CDH13: variants seen among roughly 807,000 people sequenced by gnomAD.
The protein encoded by CDH13 is cadherin-13.
CDH13 carries 24 observed loss-of-function variants against 63.8 expected under a neutral mutation model. The ratio of observed to expected loss-of-function variants is 0.38; its 90% confidence interval spans 0.27 to 0.53. CDH13 has a LOEUF of 0.53. Among genes scored for constraint, CDH13 ranks in the 20% least tolerant of loss-of-function variants. The probability of loss-of-function intolerance (pLI) is 0.85; values close to 1 mark genes in which losing one functional copy is unlikely to be tolerated. For missense variants in CDH13, 1,049 were observed against 903.1 expected (o/e 1.16, Z -2.07); for synonymous variants, 503 against 355.3 (o/e 1.42, Z -4.67).
intron 3 of CDH13, among the ~76,000 whole-genome samples, chr16:83,078,171 A>G (rs1407664774): frequency 2.6e-5 from 4 of 152,154 alleles, no homozygotes; most frequent in Non-Finnish European, 4.4e-5. Context: ...ATTCATACAC[A>G]GAAGTTGGGG....
intron 3 of CDH13, among the ~76,000 whole-genome samples, chr16:83,119,522 C>G (rs935157441): frequency 6.6e-6 from 1 of 152,186 alleles, no homozygotes; most frequent in Non-Finnish European, 1.5e-5. Flanking sequence ...TATTACCTCC[C>G]TCCTTTACGC....
chr16:82,953,014 C>A (rs147335694), intron 2 of CDH13, among the ~76,000 whole-genome samples: 8 of 152,310 alleles, frequency 5.3e-5, no homozygotes, highest in Non-Finnish European at 8.8e-5. Context: ...ATACTGCCAG[C>A]AAGTGCCATT....
At chr16:83,784,866 C>T (rs1915774528) in intron 13 of CDH13, among the ~76,000 whole-genome samples, 1 of 152,118 alleles carries the variant, frequency 6.6e-6, no homozygotes, top group South Asian at 2.1e-4. Flanking sequence ...TCCATCCATC[C>T]CTGCCTCCAC....
At chr16:82,651,711 C>G (rs1910741897) in intron 1 of CDH13, among the ~76,000 whole-genome samples, 1 of 152,208 alleles carries the variant, frequency 6.6e-6, no homozygotes, top group African/African-American at 2.4e-5. Flanking sequence ...GGAAGTACAG[C>G]TGGGGCTTAT....
intron 4 of CDH13, chr16:83,171,661 G>A (rs903905343): frequency 6.8e-6 from 7 of 1,034,146 alleles, no homozygotes; most frequent in African/African-American, 3.2e-5. Context: ...GGGATTTAGT[G>A]ACACTGCAAA....
chr16:82,855,354 T>A (rs1173107919), intron 1 of CDH13, among the ~76,000 whole-genome samples: 1 of 152,220 alleles, frequency 6.6e-6, no homozygotes, highest in African/African-American at 2.4e-5. Flanking sequence ...TGACTTTTTA[T>A]GCTGAGGATT....
At chr16:83,449,006 C>G (rs1376036943) in intron 6 of CDH13, among the ~76,000 whole-genome samples, 2 of 152,202 alleles carry the variant, frequency 1.3e-5, no homozygotes, top group Admixed American at 1.3e-4. Context: ...CGAATTTCCA[C>G]AGCCTGGCAA....
chr16:83,157,046 C>A (rs2037235381), intron 4 of CDH13, among the ~76,000 whole-genome samples: 1 of 152,182 alleles, frequency 6.6e-6, no homozygotes, highest in Non-Finnish European at 1.5e-5. Context: ...GCAGTAGATT[C>A]CAGAACTCCA....
intron 1 of CDH13, among the ~76,000 whole-genome samples, chr16:82,755,751 C>G: frequency 6.6e-6 from 1 of 152,160 alleles, no homozygotes. Context: ...AACTAGAATC[C>G]GTTGTGGCGG....
intron 5 of CDH13, among the ~76,000 whole-genome samples, chr16:83,328,077 G>A (rs1163903196): frequency 6.6e-6 from 1 of 151,086 alleles, no homozygotes; most frequent in Non-Finnish European, 1.5e-5. Flanking sequence ...AGCTTGCAGT[G>A]AGCCGAGATG....
chr16:83,253,612 G>A (rs1905855476), intron 5 of CDH13, among the ~76,000 whole-genome samples: 1 of 152,184 alleles, frequency 6.6e-6, no homozygotes, highest in African/African-American at 2.4e-5. Context: ...TGCAAGCCTG[G>A]TTGCCCTCCA....
At chr16:83,626,039 C>T (rs1238542399) in intron 8 of CDH13, among the ~76,000 whole-genome samples, 19 of 148,070 alleles carry the variant, frequency 1.3e-4, no homozygotes, top group Admixed American at 3.4e-4. Context: ...AAAGCAGGGT[C>T]TCACTCTGTT....
At chr16:83,471,854 C>T (rs979369458) in intron 6 of CDH13, among the ~76,000 whole-genome samples, 2 of 152,120 alleles carry the variant, frequency 1.3e-5, no homozygotes, top group Non-Finnish European at 2.9e-5. Flanking sequence ...ATGGAGGAGA[C>T]CTTGGGATAT....
intron 1 of CDH13, among the ~76,000 whole-genome samples, chr16:82,853,290 C>A (rs1241895823): frequency 6.6e-6 from 1 of 152,164 alleles, no homozygotes; most frequent in Non-Finnish European, 1.5e-5. Flanking sequence ...TCTAAACAGT[C>A]TATTCACTGA....
At chr16:82,719,081 A>G (rs900922354) in intron 1 of CDH13, among the ~76,000 whole-genome samples, 9 of 152,198 alleles carry the variant, frequency 5.9e-5, no homozygotes, top group Non-Finnish European at 8.8e-5. Context: ...TGAGCCTTAA[A>G]TCAGCTATGC....
At chr16:83,652,347 G>A (rs190929218) in intron 8 of CDH13, among the ~76,000 whole-genome samples, 9 of 152,136 alleles carry the variant, frequency 5.9e-5, no homozygotes, top group Admixed American at 1.3e-4. Context: ...TTAGCATCAC[G>A]AGCCTAACCA....
At chr16:82,641,564 T>TGAAG (rs1190721937) in intron 1 of CDH13, among the ~76,000 whole-genome samples, 1 of 152,208 alleles carries the variant, frequency 6.6e-6, no homozygotes, top group African/African-American at 2.4e-5. Flanking sequence ...CCTTAGGGCC[T>TGAAG]CGTCTTTGAC....
At chr16:83,689,709 A>G (rs1393204683) in intron 10 of CDH13, among the ~76,000 whole-genome samples, 1 of 152,214 alleles carries the variant, frequency 6.6e-6, no homozygotes, top group East Asian at 1.9e-4. Flanking sequence ...ATCCGACCTT[A>G]TATGGCTGCT....
At position 83,002,067 on chromosome 16, in the gene CDH13, C is replaced by G. The variant is rs548090896; in HGVS notation, c.158-29943C>G. On this transcript the variant is annotated intron_variant, in intron 2 of 13. Coordinates refer to ENST00000567109, the MANE Select transcript of CDH13 (RefSeq NM_001257.5). ...AACGTGCCATACTGTCTTCTAGGCACTGAAGATACAACAGTGGATATGATG... is the reference window on the plus strand; with the variant it reads ...AACGTGCCATACTGTCTTCTAGGCAGTGAAGATACAACAGTGGATATGATG... Among the ~76,000 whole-genome samples, 366 of 152,320 alleles carry G rather than the reference C, an allele frequency of 2.4e-3. 1 individual carries two copies. The highest frequency in any genetic ancestry group is 4.3e-3 in the Non-Finnish European group (295 of 68,030).
Sources: gnomAD v4.1 joint callset for allele counts (sites outside exome capture counted in the v4.1 genomes callset) on GRCh38, gnomAD v4.1.1 for gene constraint, MANE v1.5 for transcripts, NCBI Gene and HGNC (gene_info 2026-07-23, HGNC 2026-07-21) for gene names.